NCKAP5: variants seen among roughly 807,000 people sequenced by gnomAD.
NCKAP5 encodes the protein NCK associated protein 5, also known as nck-associated protein 5.
A neutral mutation model predicts 167.0 loss-of-function variants in NCKAP5; 92 were observed. That is an observed-to-expected ratio of 0.55 (90% CI 0.47 to 0.66). NCKAP5 has a LOEUF of 0.66. Ranked by LOEUF, NCKAP5 falls within the 30% of genes least tolerant of loss-of-function variation. The pLI is 0.00. For missense variants in NCKAP5, 2,378 were observed against 2,315.0 expected (o/e 1.03, Z -0.56); for synonymous variants, 891 against 877.4 (o/e 1.02, Z -0.27).
At chr2:133,119,906 G>A (rs2082199479) in intron 6 of NCKAP5, among the ~76,000 whole-genome samples, 1 of 151,738 alleles carries the variant, frequency 6.6e-6, no homozygotes, top group Non-Finnish European at 1.5e-5. Context: ...CATATGTAAG[G>A]TTATAATGAG....
intron 4 of NCKAP5, among the ~76,000 whole-genome samples, chr2:133,258,074 TG>T (rs755432542): frequency 6.6e-6 from 1 of 152,198 alleles, no homozygotes; most frequent in Non-Finnish European, 1.5e-5. Flanking sequence ...TTGAATTAGC[TG>T]GGTTGCGTTT....
At chr2:133,062,294 G>A (rs1488251913) in intron 6 of NCKAP5, among the ~76,000 whole-genome samples, 8 of 152,158 alleles carry the variant, frequency 5.3e-5, no homozygotes, top group Non-Finnish European at 8.8e-5. Flanking sequence ...AAAAGTTAAC[G>A]TATCACTATA....
chr2:133,424,237 A>G (rs1689653458), intron 3 of NCKAP5, among the ~76,000 whole-genome samples: 1 of 152,158 alleles, frequency 6.6e-6, no homozygotes, highest in Non-Finnish European at 1.5e-5. Context: ...CAGGGTCACA[A>G]AAGAGTCCTT....
In NCKAP5 at chr2:132,783,277, G is replaced by A; in HGVS notation, c.3534C>T (p.Ala1178=). 6.2e-7 allele frequency: 1 copy of A among 1,613,902 alleles called. No individual in the cohort carries two copies. Among genetic ancestry groups the A allele is most frequent in the Non-Finnish European group, 8.5e-7 (1 of 1,179,876 alleles). The change falls in exon 14 of 20, where the codon GCC becomes GCT. Residue 1178 remains alanine (A), a synonymous_variant. Coordinates refer to ENST00000409261, the MANE Select transcript of NCKAP5 (RefSeq NM_207363.3). ...TGTTCACAGCCACGGAACTTTTGGA[G>A]GCTTCATTTAAACTGTCTTTTTCAT... is the stretch of plus-strand genomic sequence containing the variant. The part of the protein sequence containing the change: ...GKHEKDSLNE[A]SKSSVAVNKS...
chr2:133,327,688 T>C (rs1448586459), intron 3 of NCKAP5, among the ~76,000 whole-genome samples: 1 of 152,206 alleles, frequency 6.6e-6, no homozygotes, highest in Non-Finnish European at 1.5e-5. Context: ...GTAAATAATA[T>C]AGTTGCCTAA....
intron 6 of NCKAP5, among the ~76,000 whole-genome samples, chr2:133,031,492 C>T (rs538369051): frequency 6.6e-6 from 1 of 152,302 alleles, no homozygotes; most frequent in South Asian, 2.1e-4. Context: ...CACATTGCTC[C>T]ATGTCTCCGA....
At chr2:133,271,076 G>T (rs1574561420) in intron 4 of NCKAP5, among the ~76,000 whole-genome samples, 1 of 148,534 alleles carries the variant, frequency 6.7e-6, no homozygotes, top group Non-Finnish European at 1.5e-5. Context: ...CCCGCCACCA[G>T]GCCCGGCTAA....
At chr2:132,819,303 C>A (rs1391715748) in intron 11 of NCKAP5, among the ~76,000 whole-genome samples, 1 of 152,148 alleles carries the variant, frequency 6.6e-6, no homozygotes, top group African/African-American at 2.4e-5. Flanking sequence ...GAGGAACTTA[C>A]GTTAATTCAA....
At chr2:133,357,380 A>G (rs1311797761) in intron 3 of NCKAP5, among the ~76,000 whole-genome samples, 1 of 152,140 alleles carries the variant, frequency 6.6e-6, no homozygotes, top group Non-Finnish European at 1.5e-5. Flanking sequence ...CCTTTAAAAT[A>G]GAATAAATTC....
intron 6 of NCKAP5, among the ~76,000 whole-genome samples, chr2:133,089,073 T>C (rs1414713027): frequency 6.6e-6 from 1 of 152,140 alleles, no homozygotes; most frequent in Non-Finnish European, 1.5e-5. Flanking sequence ...AATATGATGT[T>C]CCTATAAATG....
At chr2:132,897,263 G>A (rs1693278820) in intron 8 of NCKAP5, among the ~76,000 whole-genome samples, 1 of 152,184 alleles carries the variant, frequency 6.6e-6, no homozygotes, top group African/African-American at 2.4e-5. Context: ...GTTGAGCAGA[G>A]AGAAGCATAA....
At chr2:132,829,763 A>G (rs1183816717) in intron 11 of NCKAP5, among the ~76,000 whole-genome samples, 1 of 152,154 alleles carries the variant, frequency 6.6e-6, no homozygotes, top group Non-Finnish European at 1.5e-5. Context: ...TTGCATTTCT[A>G]AAAGGTTCCC....
chr2:132,762,619 C>G (rs16840842), intron 16 of NCKAP5, among the ~76,000 whole-genome samples: 24,205 of 152,132 alleles, frequency 0.16, 2,347 homozygotes, highest in East Asian at 0.3. Flanking sequence ...TTCACGCCAC[C>G]TCGTAGGGCT....
intron 4 of NCKAP5, among the ~76,000 whole-genome samples, chr2:133,280,556 C>T (rs1478228261): frequency 6.6e-6 from 1 of 152,036 alleles, no homozygotes; most frequent in Non-Finnish European, 1.5e-5. Context: ...CGGGGCTTAG[C>T]AGAGTGGCTC....
At chr2:133,168,169 A>G (rs957865259) in intron 5 of NCKAP5, among the ~76,000 whole-genome samples, 1 of 152,082 alleles carries the variant, frequency 6.6e-6, no homozygotes, top group Non-Finnish European at 1.5e-5. Context: ...TGGGATTCCA[A>G]CTCAGACAGC....
chr2:133,452,272 G>A (rs1216491467), intron 3 of NCKAP5, among the ~76,000 whole-genome samples: 1 of 152,082 alleles, frequency 6.6e-6, no homozygotes, highest in Admixed American at 6.6e-5. Flanking sequence ...AGAATTTGAA[G>A]GACCAAAGCA....
chr2:133,414,832 A>G (rs1274469651), intron 3 of NCKAP5, among the ~76,000 whole-genome samples: 2 of 152,234 alleles, frequency 1.3e-5, no homozygotes, highest in Non-Finnish European at 2.9e-5. Flanking sequence ...CGGAGAAAGC[A>G]TGGTATTTTT....
the NCKAP5 span, among the ~76,000 whole-genome samples, chr2:133,607,924 C>T: frequency 3.3e-5 from 5 of 152,198 alleles, no homozygotes; most frequent in African/African-American, 1.2e-4. Context: ...CAGCTCTTAA[C>T]ATGATAGTCC....
chr2:132,954,612 C>T (rs988050781), intron 8 of NCKAP5: 1 of 452,808 alleles, frequency 2.2e-6, no homozygotes, highest in African/African-American at 2.0e-5. Flanking sequence ...GCCACTGCAT[C>T]ATATTTTTGA....
Sources: gnomAD v4.1 joint callset for allele counts (sites outside exome capture counted in the v4.1 genomes callset) on GRCh38, gnomAD v4.1.1 for gene constraint, MANE v1.5 for transcripts, NCBI Gene and HGNC (gene_info 2026-07-23, HGNC 2026-07-21) for gene names.